RBFOX1: variants seen among roughly 807,000 people sequenced by gnomAD.
RBFOX1 encodes RNA binding fox-1 homolog 1.
In RBFOX1, 8 loss-of-function variants were observed where a neutral mutation model predicts 57.7. The ratio of observed to expected loss-of-function variants is 0.14; its 90% CI spans 0.08 to 0.25. RBFOX1 has a LOEUF of 0.25. Ranked by LOEUF, RBFOX1 falls within the 10% of genes least tolerant of loss-of-function variation. The pLI is 1.00. For missense variants in RBFOX1, 611 were observed against 548.5 expected (o/e 1.11, Z -1.14); for synonymous variants, 326 against 222.4 (o/e 1.47, Z -4.15).
At chr16:6,431,851 A>G (rs1955046916) in intron 2 of RBFOX1, among the ~76,000 whole-genome samples, 1 of 149,780 alleles carries the variant, frequency 6.7e-6, no homozygotes, top group African/African-American at 2.4e-5. Context: ...GTGATGATTT[A>G]AGGAGTTTAT....
intron 5 of RBFOX1, among the ~76,000 whole-genome samples, chr16:7,569,659 T>C (rs1186487348): frequency 1.3e-5 from 2 of 152,226 alleles, no homozygotes; most frequent in Non-Finnish European, 2.9e-5. Context: ...GGTCATTATG[T>C]TGTTTTCCAC....
intron 1 of RBFOX1, among the ~76,000 whole-genome samples, chr16:5,312,059 C>T (rs2064105801): frequency 6.6e-6 from 1 of 152,216 alleles, no homozygotes; most frequent in African/African-American, 2.4e-5. Flanking sequence ...TCAGGAGGGG[C>T]TGCATGAATG....
At chr16:7,396,178 T>C (rs1442654591) in intron 4 of RBFOX1, among the ~76,000 whole-genome samples, 1 of 152,054 alleles carries the variant, frequency 6.6e-6, no homozygotes, top group Non-Finnish European at 1.5e-5. Context: ...CAGTGCCTTC[T>C]TTTCCCTGGA....
chr16:7,647,843 C>A (rs891596342), intron 11 of RBFOX1, among the ~76,000 whole-genome samples: 1 of 152,140 alleles, frequency 6.6e-6, no homozygotes, highest in Admixed American at 6.5e-5. Context: ...ATCCAGACAT[C>A]TAAACTAGGA....
chr16:6,813,652 T>A (rs1567363733), intron 3 of RBFOX1, among the ~76,000 whole-genome samples: 1 of 152,160 alleles, frequency 6.6e-6, no homozygotes, highest in Non-Finnish European at 1.5e-5. Flanking sequence ...TGGATGCAAT[T>A]CCTTTTCATT....
At chr16:6,281,884 T>C (rs1012088538) in intron 1 of RBFOX1, among the ~76,000 whole-genome samples, 1 of 152,036 alleles carries the variant, frequency 6.6e-6, no homozygotes, top group Non-Finnish European at 1.5e-5. Context: ...ACCCAGGCAA[T>C]TTGACAAGGC....
chr16:5,273,853 C>T (rs573912703), intron 1 of RBFOX1, among the ~76,000 whole-genome samples: 2 of 152,180 alleles, frequency 1.3e-5, no homozygotes, highest in African/African-American at 2.4e-5. Context: ...TGTGTGAGCC[C>T]AGAATTCTTA....
At chr16:7,639,474 A>C (rs2062384310) in intron 11 of RBFOX1, among the ~76,000 whole-genome samples, 1 of 152,084 alleles carries the variant, frequency 6.6e-6, no homozygotes, top group African/African-American at 2.4e-5. Context: ...ACTTCATTCA[A>C]CCAATCTTTA....
At chr16:7,213,736 G>A (rs1317499115) in intron 4 of RBFOX1, among the ~76,000 whole-genome samples, 1 of 152,160 alleles carries the variant, frequency 6.6e-6, no homozygotes, top group Non-Finnish European at 1.5e-5. Flanking sequence ...TAGGGAATAT[G>A]CTTGATATGT....
intron 4 of RBFOX1, among the ~76,000 whole-genome samples, chr16:7,167,353 G>A (rs982714017): frequency 7.9e-5 from 12 of 151,896 alleles, no homozygotes; most frequent in African/African-American, 2.9e-4. Flanking sequence ...GACTTAGAGT[G>A]GACCCTAAGT....
At chr16:7,642,343 C>T (rs887011840) in intron 11 of RBFOX1, among the ~76,000 whole-genome samples, 1 of 152,144 alleles carries the variant, frequency 6.6e-6, no homozygotes, top group Admixed American at 6.5e-5. Flanking sequence ...AAAGCTGATG[C>T]TCAAAATCAG....
At chr16:6,804,804 T>G (rs1409654366) in intron 3 of RBFOX1, among the ~76,000 whole-genome samples, 2 of 152,216 alleles carry the variant, frequency 1.3e-5, no homozygotes, top group African/African-American at 4.8e-5. Context: ...TATGTGCATT[T>G]GCCACTCTGA....
chr16:6,740,268 G>A (rs2071654721), intron 3 of RBFOX1, among the ~76,000 whole-genome samples: 1 of 152,052 alleles, frequency 6.6e-6, no homozygotes, highest in Non-Finnish European at 1.5e-5. Context: ...TTCTTAACTC[G>A]ATAAAGGATA....
At chr16:7,250,480 C>G (rs906531356) in intron 4 of RBFOX1, among the ~76,000 whole-genome samples, 9 of 152,190 alleles carry the variant, frequency 5.9e-5, no homozygotes, top group African/African-American at 1.9e-4. Flanking sequence ...GCCTCAGCTG[C>G]AGCCTCAGCT....
At chr16:6,458,994 G>A (rs986432608) in intron 2 of RBFOX1, among the ~76,000 whole-genome samples, 4 of 152,180 alleles carry the variant, frequency 2.6e-5, no homozygotes, top group Non-Finnish European at 5.9e-5. Flanking sequence ...GTGCTTTATT[G>A]AAGATTCCAC....
At chr16:5,992,212 C>T (rs2060412333) in intron 4 of RBFOX1, among the ~76,000 whole-genome samples, 1 of 151,972 alleles carries the variant, frequency 6.6e-6, no homozygotes, top group Non-Finnish European at 1.5e-5. Context: ...AAATAACTTC[C>T]TTCTTCAAAG....
chr16:6,735,038 G>C (rs1259593775), intron 3 of RBFOX1, among the ~76,000 whole-genome samples: 1 of 152,016 alleles, frequency 6.6e-6, no homozygotes, highest in Non-Finnish European at 1.5e-5. Flanking sequence ...TCAGCTACTT[G>C]GAAGACTGAG....
chr16:7,021,017 A>G (rs764886801), intron 3 of RBFOX1, among the ~76,000 whole-genome samples: 43 of 152,132 alleles, frequency 2.8e-4, no homozygotes, highest in Non-Finnish European at 4.9e-4. Flanking sequence ...AATCCCAGCT[A>G]CTGGGGAGGC....
At chr16:6,044,440 C>A (rs1225317966) in intron 1 of RBFOX1, among the ~76,000 whole-genome samples, 1 of 150,396 alleles carries the variant, frequency 6.6e-6, no homozygotes, top group Non-Finnish European at 1.5e-5. Flanking sequence ...TCCATATTCG[C>A]AAGATGTGAC....
Sources: allele counts gnomAD v4.1 joint callset (sites outside exome capture counted in the v4.1 genomes callset), GRCh38; gene constraint gnomAD v4.1.1; transcripts MANE v1.5; gene names NCBI Gene and HGNC (gene_info 2026-07-23, HGNC 2026-07-21).